AFF2: variants seen among roughly 807,000 people sequenced by gnomAD.
The protein encoded by AFF2 is AF4/FMR2 family member 2.
In AFF2, 14 loss-of-function variants were observed where a neutral mutation model predicts 76.9. The observed-to-expected ratio is 0.18, with a 90% confidence interval of 0.12 to 0.28. The LOEUF is 0.28. Among genes scored for constraint, AFF2 ranks in the 10% least tolerant of loss-of-function variants. AFF2 has a pLI of 1.00. For missense variants in AFF2, 868 were observed against 1,001.1 expected, an observed-to-expected ratio of 0.87 and a Z score of 1.79; for synonymous variants, 398 against 366.7, an observed-to-expected ratio of 1.09 and a Z score of -0.98.
At chrX:148,668,235 C>CT (rs1247544652) in intron 3 of AFF2, among the ~76,000 whole-genome samples, 2 of 113,230 alleles carry the variant, frequency 1.8e-5, no homozygotes, top group Non-Finnish European at 3.7e-5. Context: ...CAGCTCTGCC[C>CT]CTGTGGCTTT....
In AFF2 at chrX:148,503,900, G is replaced by A. The variant is rs782537660; in HGVS notation, c.47+2756G>A. On this transcript the variant is annotated intron_variant, in intron 1 of 20. Transcript: ENST00000370460. ...AAGGGCCAAAGCTCAAGTTCTTTAAGATTCTTGGATGAATGAGCAATGTTC... is the reference window on the plus strand; with the variant it reads ...AAGGGCCAAAGCTCAAGTTCTTTAAAATTCTTGGATGAATGAGCAATGTTC... Among the ~76,000 whole-genome samples, 37 of 111,971 alleles carry A rather than the reference G, an allele frequency of 3.3e-4. 1 individual carries two copies. The highest frequency in any genetic ancestry group is 3.8e-4 in the South Asian group (1 of 2,652).
At chrX:148,844,913 A>G (rs1278781013) in intron 7 of AFF2, among the ~76,000 whole-genome samples, 2 of 112,073 alleles carry the variant, frequency 1.8e-5, no homozygotes, top group African/African-American at 6.5e-5. Flanking sequence ...TAATAAAACC[A>G]TAATCCCGAT....
intron 1 of AFF2, among the ~76,000 whole-genome samples, chrX:148,634,579 A>G (rs1330044914): frequency 8.9e-6 from 1 of 112,001 alleles, no homozygotes; most frequent in Admixed American, 9.5e-5. Flanking sequence ...TTACATCTCT[A>G]TGTAAGTGGG....
At chrX:148,987,284 C>T (rs190748784) in intron 19 of AFF2, 83 bp from the exon 20 acceptor site, 91 of 889,293 alleles carry the variant, frequency 1.0e-4, no homozygotes, top group Non-Finnish European at 1.4e-4. Flanking sequence ...CTGATGAGAT[C>T]CCAGCGTGAT....
At chrX:148,777,131 T>G (rs1557268644) in intron 3 of AFF2, among the ~76,000 whole-genome samples, 1 of 112,039 alleles carries the variant, frequency 8.9e-6, no homozygotes, top group African/African-American at 3.2e-5. Context: ...CCCCATTGCT[T>G]GTTTTTCTCA....
chrX:148,793,341 G>A (rs2069925390), intron 3 of AFF2, among the ~76,000 whole-genome samples: 1 of 111,916 alleles, frequency 8.9e-6, no homozygotes, highest in Non-Finnish European at 1.9e-5. Context: ...TCCCTTTTAT[G>A]TAACTTCTGT....
chrX:148,953,956 TG>T (rs1370114060), intron 10 of AFF2, among the ~76,000 whole-genome samples: 1 of 112,762 alleles, frequency 8.9e-6, no homozygotes, highest in African/African-American at 3.2e-5. Context: ...ATACATTTTT[TG>T]CTGTGTGACT....
At chrX:148,656,538 C>T (rs1413527984) in intron 2 of AFF2, among the ~76,000 whole-genome samples, 1 of 83,171 alleles carries the variant, frequency 1.2e-5, no homozygotes, top group Non-Finnish European at 2.2e-5. Context: ...CTCGCTCTGT[C>T]GCCCAGGCTG....
chrX:148,719,441 G>T (rs1557263618), intron 3 of AFF2, among the ~76,000 whole-genome samples: 1 of 111,763 alleles, frequency 8.9e-6, no homozygotes, highest in Non-Finnish European at 1.9e-5. Context: ...ACAAACACCA[G>T]TTAAAGGCCT....
chrX:148,507,948 C>T, intron 1 of AFF2, among the ~76,000 whole-genome samples: 1 of 112,019 alleles, frequency 8.9e-6, no homozygotes, highest in Non-Finnish European at 1.9e-5. Flanking sequence ...TCAAACATAC[C>T]TGTGTATTTT....
At chrX:148,677,753 C>T (rs1296563545) in intron 3 of AFF2, among the ~76,000 whole-genome samples, 11 of 112,282 alleles carry the variant, frequency 9.8e-5, no homozygotes, top group South Asian at 3.7e-4. Context: ...TGACTTTGCA[C>T]TCAGTGCTAT....
At chrX:148,851,208 AC>A (rs1322036265) in intron 7 of AFF2, among the ~76,000 whole-genome samples, 1 of 111,924 alleles carries the variant, frequency 8.9e-6, no homozygotes, top group East Asian at 2.8e-4. Flanking sequence ...TTTTACACTG[AC>A]GAGTAGGGAG....
At chrX:148,516,447 G>A (rs1339600404) in intron 1 of AFF2, among the ~76,000 whole-genome samples, 2 of 111,514 alleles carry the variant, frequency 1.8e-5, no homozygotes, top group African/African-American at 6.5e-5. Flanking sequence ...TTTCCAGGAG[G>A]AATCAAATAA....
chrX:148,631,988 TC>T (rs2053985574), intron 1 of AFF2, among the ~76,000 whole-genome samples: 1 of 111,807 alleles, frequency 8.9e-6, no homozygotes, highest in Non-Finnish European at 1.9e-5. Context: ...TGTCTTAGTG[TC>T]TATTTAAAAG....
Position 148,912,967 on chromosome X carries a change from G to A in AFF2, c.1397+8709G>A, listed in dbSNP as rs782684395. Among the ~76,000 whole-genome samples the A allele has an allele frequency of 1.5e-4, 17 of 112,871 alleles. No homozygotes were observed. In the East Asian group the frequency reaches 3.6e-3, roughly 24 times the overall value. ...TCTAGTCAATCTCTAACTGGCTCTC[G>A]CCAATTTAAGGACAATTAATGGAGA... On this transcript the variant is annotated intron_variant, in intron 9 of 20. Transcript: ENST00000370460.
intron 15 of AFF2, among the ~76,000 whole-genome samples, chrX:148,971,772 TG>T (rs1439980681): frequency 0.21 from 12,042 of 56,354 alleles, 969 homozygotes; most frequent in Non-Finnish European, 0.24. Context: ...TTTTTTTTAA[TG>T]TTTTTTTTTT....
rs782486665 is a variant in AFF2 at position 148,535,436 on chromosome X, T to G, written c.47+34292T>G. Among the ~76,000 whole-genome samples the G allele has an allele frequency of 2.8e-3, 315 of 110,974 alleles. 1 individual carries two copies. Among genetic ancestry groups the G allele is most frequent in the Non-Finnish European group, 4.4e-3 (231 of 52,975 alleles). ...GTCCTGTGTTTTCATTGACTAAATC[T>G]GTCCACCCTACTCACACATCTATAC... On this transcript the variant is annotated intron_variant, in intron 1 of 20. Transcript: ENST00000370460.
chrX:148,922,056 GA>G (rs1437715717), intron 9 of AFF2, among the ~76,000 whole-genome samples: 1 of 112,085 alleles, frequency 8.9e-6, no homozygotes, highest in Non-Finnish European at 1.9e-5. Flanking sequence ...CACAAAATTA[GA>G]ATTTTCATTG....
intron 3 of AFF2, among the ~76,000 whole-genome samples, chrX:148,791,499 G>A (rs1306993395): frequency 1.8e-5 from 2 of 112,181 alleles, no homozygotes; most frequent in African/African-American, 6.5e-5. Flanking sequence ...AATGTGGGTG[G>A]GCACACAGCC....
Sources: gnomAD v4.1 joint callset for allele counts (sites outside exome capture counted in the v4.1 genomes callset) on GRCh38, gnomAD v4.1.1 for gene constraint, MANE v1.5 for transcripts, NCBI Gene and HGNC (gene_info 2026-07-23, HGNC 2026-07-21) for gene names.